The following LCMT1 variants were observed in gnomAD, a reference collection of about 807,000 sequenced individuals.
LCMT1 encodes the protein [Phosphatase 2A protein]-leucine-carboxy methyltransferase 1.
In LCMT1, 32 loss-of-function variants were observed where a neutral mutation model predicts 47.7. The observed-to-expected ratio is 0.67, with a 90% CI of 0.51 to 0.90. LCMT1 has a LOEUF of 0.90. LCMT1 is among the 40% of genes least tolerant of loss of function. LCMT1 has a pLI of 0.00. For missense variants in LCMT1, 375 were observed against 415.2 expected (o/e 0.90, Z 0.84); for synonymous variants, 152 against 149.7 (o/e 1.02, Z -0.11).
intron 1 of LCMT1, among the ~76,000 whole-genome samples, chr16:25,127,014 C>G (rs748936113): frequency 7.2e-5 from 11 of 152,098 alleles, no homozygotes; most frequent in Non-Finnish European, 1.3e-4. Flanking sequence ...TCCCAAACTG[C>G]CAACCACACA....
chr16:25,125,762 G>A (rs1434385117), intron 1 of LCMT1, among the ~76,000 whole-genome samples: 1 of 151,644 alleles, frequency 6.6e-6, no homozygotes. Flanking sequence ...AAACTGGAAG[G>A]CGGGGGTTGC....
Position 25,111,808 on chromosome 16 carries a change from TCGCGCCGTCC to T in LCMT1, c.-74_-65del. On this transcript the variant is annotated 5_prime_UTR_variant, in exon 1 of 11. Transcript: ENST00000399069. ...TCTTCTGTTGCTTTCTCCCTGTGGC[TCGCGCCGTCC>T]CCCGCCGCCCGTCGACCCCGCTTCC... 1.0e-6 allele frequency: 1 copy of T among 989,804 alleles called. No individual in the cohort carries two copies. Among genetic ancestry groups the T allele is most frequent in the Admixed American group, 2.0e-5 (1 of 50,252 alleles). The allele number at this position is 989,804 out of a possible 1,614,324, so 61.3% of individuals were successfully genotyped here.
At chr16:25,163,046 G>A (rs1310856012) in intron 6 of LCMT1, among the ~76,000 whole-genome samples, 1 of 152,134 alleles carries the variant, frequency 6.6e-6, no homozygotes, top group Non-Finnish European at 1.5e-5. Flanking sequence ...AATTTTTGTA[G>A]AGACAAGGTT....
intron 3 of LCMT1, among the ~76,000 whole-genome samples, chr16:25,135,927 C>A (rs1024725267): frequency 2.6e-5 from 4 of 151,564 alleles, no homozygotes; most frequent in Non-Finnish European, 5.9e-5. Context: ...CCCATCTCTA[C>A]AAAAAATAAA....
chr16:25,156,149 C>T (rs933592428), intron 5 of LCMT1, among the ~76,000 whole-genome samples: 1 of 152,154 alleles, frequency 6.6e-6, no homozygotes, highest in Non-Finnish European at 1.5e-5. Flanking sequence ...GAGGGGCCCT[C>T]CCTGACTACG....
In LCMT1 at chr16:25,170,823, G is replaced by A. The variant is rs538787781; in HGVS notation, c.884+18G>A. ...GTGAGCAGGTATGGGGTTGGTGAGC[G>A]TCAGCTTGATGGGCATTCATTGTGA... On this transcript the variant is annotated intron_variant, in intron 9 of 10. Transcript: ENST00000399069. 1.3e-5 allele frequency: 21 copies of A among 1,558,330 alleles called. No individual in the cohort carries two copies. The highest frequency in any genetic ancestry group is 4.6e-5 in the South Asian group (4 of 87,500).
intron 5 of LCMT1, among the ~76,000 whole-genome samples, chr16:25,154,819 CT>C (rs1378741625): frequency 6.6e-6 from 1 of 151,902 alleles, no homozygotes; most frequent in African/African-American, 2.4e-5. Context: ...CTGTTGTCAA[CT>C]TTTTTTTATT....
At chr16:25,176,479 A>G (rs565719376) in intron 10 of LCMT1, among the ~76,000 whole-genome samples, 2 of 148,494 alleles carry the variant, frequency 1.3e-5, no homozygotes, top group South Asian at 4.3e-4. Context: ...AGATTTGCCT[A>G]GCTATGCAGC....
chr16:25,144,474 G>A (rs1960789933), intron 4 of LCMT1: 3 of 152,400 alleles, frequency 2.0e-5, no homozygotes, highest in Admixed American at 2.0e-4. Flanking sequence ...TCACAAGCTA[G>A]GCCTGCTGGA....
chr16:25,169,765 T>TA (rs954779765), intron 8 of LCMT1, among the ~76,000 whole-genome samples: 6 of 151,958 alleles, frequency 3.9e-5, no homozygotes, highest in African/African-American at 1.5e-4. Context: ...ACCTTTTTTT[T>TA]ATAGTTGATG....
At chr16:25,138,148 G>A (rs1960559017) in intron 3 of LCMT1, among the ~76,000 whole-genome samples, 1 of 152,204 alleles carries the variant, frequency 6.6e-6, no homozygotes, top group South Asian at 2.1e-4. Context: ...AAGTAGTTCT[G>A]TATTTCTGGG....
intron 1 of LCMT1, among the ~76,000 whole-genome samples, chr16:25,118,059 T>G (rs1938812467): frequency 6.6e-6 from 1 of 152,166 alleles, no homozygotes; most frequent in Non-Finnish European, 1.5e-5. Context: ...CCAAATGGGC[T>G]CTCCCGATCT....
intron 5 of LCMT1, among the ~76,000 whole-genome samples, chr16:25,157,971 A>G (rs1445253190): frequency 2.6e-5 from 4 of 152,230 alleles, no homozygotes; most frequent in Non-Finnish European, 4.4e-5. Context: ...CTAACAACTT[A>G]TTAGTCATTT....
chr16:25,148,739 C>T (rs996156674), intron 4 of LCMT1: 1 of 152,212 alleles, frequency 6.6e-6, no homozygotes, highest in East Asian at 1.9e-4. Context: ...TCGCCAGTCG[C>T]GGTGGCAGCG....
chr16:25,155,286 G>T (rs1961218715), intron 5 of LCMT1, among the ~76,000 whole-genome samples: 1 of 152,066 alleles, frequency 6.6e-6, no homozygotes, highest in Non-Finnish European at 1.5e-5. Context: ...TTTTAAAAAG[G>T]AAGGCCGGGT....
At chr16:25,169,755 A>T (rs1355491913) in intron 8 of LCMT1, among the ~76,000 whole-genome samples, 1 of 141,856 alleles carries the variant, frequency 7.0e-6, no homozygotes, top group Non-Finnish European at 1.5e-5. Flanking sequence ...TGTTTAAAAA[A>T]CCTTTTTTTT....
chr16:25,117,606 C>G (rs1023530389), intron 1 of LCMT1, among the ~76,000 whole-genome samples: 5 of 152,308 alleles, frequency 3.3e-5, no homozygotes, highest in African/African-American at 1.2e-4. Context: ...GTAATCCCAG[C>G]ACTTTCGGAG....
At chr16:25,117,868 A>AAT (rs1303136329) in intron 1 of LCMT1, among the ~76,000 whole-genome samples, 12 of 151,696 alleles carry the variant, frequency 7.9e-5, no homozygotes, top group African/African-American at 2.9e-4. Flanking sequence ...AAAAAAAAAA[A>AAT]TTTGACATCA....
At chr16:25,140,101 C>A in intron 3 of LCMT1, 70 bp from the exon 4 acceptor site, 1 of 1,172,400 alleles carries the variant, frequency 8.5e-7, no homozygotes, top group Non-Finnish European at 1.3e-6. Context: ...GTGCCTAGTG[C>A]TTGATATGTG....
Sources: gnomAD v4.1 joint callset for allele counts (sites outside exome capture counted in the v4.1 genomes callset) on GRCh38, gnomAD v4.1.1 for gene constraint, MANE v1.5 for transcripts, NCBI Gene and HGNC (gene_info 2026-07-23, HGNC 2026-07-21) for gene names.